NCKAP5: variants seen among roughly 807,000 people sequenced by gnomAD.
The protein encoded by NCKAP5 is nck-associated protein 5.
NCKAP5 carries 92 observed loss-of-function variants against 167.0 expected under a neutral mutation model. That is an observed-to-expected ratio of 0.55 (90% confidence interval 0.47 to 0.66). The LOEUF (loss-of-function observed/expected upper bound fraction) is 0.66. Ranked by LOEUF, NCKAP5 falls within the 30% of genes least tolerant of loss-of-function variation. The pLI is 0.00. For synonymous variants in NCKAP5, 891 were observed against 877.4 expected (o/e 1.02, Z -0.27); for missense variants, 2,378 against 2,315.0 (o/e 1.03, Z -0.56).
chr2:133,506,538 T>C (rs993037141), intron 3 of NCKAP5, among the ~76,000 whole-genome samples: 53 of 152,240 alleles, frequency 3.5e-4, no homozygotes, highest in African/African-American at 1.2e-3. Flanking sequence ...GAGAATGAAG[T>C]GGGAGTGTTC....
At chr2:133,467,089 G>C (rs375409885) in intron 3 of NCKAP5, among the ~76,000 whole-genome samples, 2 of 151,892 alleles carry the variant, frequency 1.3e-5, no homozygotes, top group South Asian at 4.2e-4. Context: ...TCTTGTGCCA[G>C]TTTTCAAAGG....
chr2:133,441,094 TCACACA>T (rs56053040), intron 3 of NCKAP5, among the ~76,000 whole-genome samples: 31,765 of 149,680 alleles, frequency 0.21, 3,951 homozygotes, highest in African/African-American at 0.35. Flanking sequence ...ACACACACAC[TCACACA>T]CACACACACA....
chr2:133,655,110 G>A, the NCKAP5 span, among the ~76,000 whole-genome samples: 15 of 152,114 alleles, frequency 9.9e-5, no homozygotes, highest in African/African-American at 3.6e-4. Context: ...TGACATCATG[G>A]CAATTTTATG....
intron 3 of NCKAP5, among the ~76,000 whole-genome samples, chr2:133,476,324 A>G (rs1679883795): frequency 6.6e-6 from 1 of 152,240 alleles, no homozygotes; most frequent in Non-Finnish European, 1.5e-5. Flanking sequence ...AGGAAAGGAA[A>G]AAACACTTTA....
At chr2:133,491,058 A>T (rs772610768) in intron 3 of NCKAP5, among the ~76,000 whole-genome samples, 21 of 152,206 alleles carry the variant, frequency 1.4e-4, no homozygotes, top group Admixed American at 4.6e-4. Flanking sequence ...GACAGAGAAG[A>T]TGAGAAATTC....
In NCKAP5 at chr2:133,446,756, G is replaced by A. The variant is rs527832576; in HGVS notation, c.69+70702C>T. Among the ~76,000 whole-genome samples, 3 of 152,258 alleles carry A rather than the reference G, an allele frequency of 2.0e-5. No homozygotes were observed. In the East Asian group the frequency reaches 5.8e-4, roughly 29 times the overall value. ...TAACCAAAGCTAAGCTTGCATGTCT[G>A]GAGATGACAGCTGAATAATGGAGGA... On this transcript the variant is annotated intron_variant, in intron 3 of 19. Coordinates refer to ENST00000409261, the MANE Select transcript of NCKAP5 (RefSeq NM_207363.3).
In NCKAP5 at chr2:132,725,774, T is replaced by C. The variant is rs757775506; in HGVS notation, c.5581-15A>G. The C allele has an allele frequency of 3.1e-6, 5 of 1,611,826 alleles. No homozygotes were observed. Among genetic ancestry groups the C allele is most frequent in the Non-Finnish European group, 2.5e-6 (3 of 1,179,204 alleles). On this transcript the variant is annotated splice_polypyrimidine_tract_variant and intron_variant, in intron 18 of 19. Transcript: ENST00000409261. ...GGTGCCTTGTCCTAAATGAGTAATA[T>C]GAGACTGTTAAGATAATTCATACAA...
At chr2:133,266,617 C>A (rs1574545969) in intron 4 of NCKAP5, among the ~76,000 whole-genome samples, 2 of 152,130 alleles carry the variant, frequency 1.3e-5, no homozygotes, top group East Asian at 3.9e-4. Context: ...GCAAGGCGCG[C>A]GCTGCAGAGC....
chr2:133,317,072 T>C (rs1184549136), intron 3 of NCKAP5, among the ~76,000 whole-genome samples: 4 of 152,298 alleles, frequency 2.6e-5, no homozygotes, highest in South Asian at 4.1e-4. Flanking sequence ...AAATAAAGGA[T>C]GGAGCGCCTG....
intron 6 of NCKAP5, among the ~76,000 whole-genome samples, chr2:133,129,096 T>C (rs1177079381): frequency 2.0e-5 from 3 of 150,786 alleles, no homozygotes; most frequent in Admixed American, 6.6e-5. Flanking sequence ...GCTGGCCTTT[T>C]TTTTTTTTAT....
chr2:132,860,702 G>A lies in NCKAP5; in HGVS notation c.688-91C>T, dbSNP rs1574446271. 9 of 1,384,460 alleles carry A rather than the reference G, an allele frequency of 6.5e-6. No individual in the cohort carries two copies. The East Asian group carries it at 2.3e-4, about 35-fold the overall frequency. The allele number at this position is 1,384,460 out of a possible 1,614,324, so 85.8% of individuals were successfully genotyped here. A position where few individuals can be genotyped will look rare whatever the true frequency, so the allele number is the denominator to read the frequency against. The stretch of plus-strand genomic sequence containing the variant: ...ATATTTTATATATCTCAGATCATTA[G>A]TAAAAAACGGTATTTTTATTCTTCA... On this transcript the variant is annotated intron_variant, in intron 10 of 19. Transcript: ENST00000409261.
chr2:132,812,829 T>C (rs1180167326), intron 11 of NCKAP5, among the ~76,000 whole-genome samples: 5 of 152,212 alleles, frequency 3.3e-5, no homozygotes, highest in Non-Finnish European at 4.4e-5. Context: ...ATCCAGTGTC[T>C]GCGGAGGGCC....
chr2:133,231,669 C>T (rs1333793336), intron 4 of NCKAP5, among the ~76,000 whole-genome samples: 1 of 151,976 alleles, frequency 6.6e-6, no homozygotes, highest in African/African-American at 2.4e-5. Context: ...CTGAAACAGG[C>T]AACAGACAGG....
At chr2:133,216,072 A>G (rs77410208) in intron 4 of NCKAP5, among the ~76,000 whole-genome samples, 2,689 of 152,266 alleles carry the variant, frequency 0.018, 71 homozygotes, top group African/African-American at 0.061. Flanking sequence ...TAAAAACTAC[A>G]AAACACTGCT....
intron 11 of NCKAP5, 117 bp from the exon 12 acceptor site, chr2:132,796,846 T>C (rs1051612701): frequency 7.3e-6 from 5 of 684,948 alleles, no homozygotes; most frequent in Non-Finnish European, 1.2e-5. Flanking sequence ...ATAATACATG[T>C]CCTAATTAAA....
chr2:132,982,480 G>T (rs1438900376), intron 7 of NCKAP5, among the ~76,000 whole-genome samples: 1 of 152,202 alleles, frequency 6.6e-6, no homozygotes, highest in Non-Finnish European at 1.5e-5. Flanking sequence ...GTGAGGGACT[G>T]CTGGGACTTC....
chr2:133,334,015 C>T (rs1483087268), intron 3 of NCKAP5: 1 of 152,168 alleles, frequency 6.6e-6, no homozygotes, highest in Non-Finnish European at 1.5e-5. Context: ...GTGATAAGGG[C>T]TATAGGAGGG....
chr2:132,801,145 C>T (rs1172956929), intron 11 of NCKAP5, among the ~76,000 whole-genome samples: 1 of 152,138 alleles, frequency 6.6e-6, no homozygotes, highest in East Asian at 1.9e-4. Flanking sequence ...CAACTCAGCA[C>T]AGCAACCTTG....
At chr2:132,901,409 GATCGTGGTTACC>G (rs1317079197) in intron 8 of NCKAP5, among the ~76,000 whole-genome samples, 3 of 152,186 alleles carry the variant, frequency 2.0e-5, no homozygotes, top group African/African-American at 7.2e-5. Flanking sequence ...GCTCTAGTGT[GATCGTGGTTACC>G]ACTCCATAGA....
Sources: gnomAD v4.1 joint callset for allele counts (sites outside exome capture counted in the v4.1 genomes callset) on GRCh38, gnomAD v4.1.1 for gene constraint, MANE v1.5 for transcripts, NCBI Gene and HGNC (gene_info 2026-07-23, HGNC 2026-07-21) for gene names.